GNA14: variants seen among roughly 807,000 people sequenced by gnomAD.
The protein encoded by GNA14 is guanine nucleotide-binding protein subunit alpha-14.
Under a neutral mutation model 42.0 loss-of-function variants are expected in GNA14, and 50 were observed. The ratio of observed to expected loss-of-function variants is 1.19; its 90% CI spans 0.95 to 1.51. GNA14 has a LOEUF of 1.51. Ranked by LOEUF, GNA14 falls within the 40% of genes most tolerant of loss-of-function variation. The pLI is 0.00. For synonymous variants in GNA14, 173 were observed against 163.1 expected (o/e 1.06, Z -0.46); for missense variants, 473 against 446.2 (o/e 1.06, Z -0.54).
intron 1 of GNA14, among the ~76,000 whole-genome samples, chr9:77,626,939 C>T (rs571927127): frequency 3.3e-4 from 50 of 152,034 alleles, no homozygotes; most frequent in Admixed American, 8.5e-4. Context: ...AATCAATGAA[C>T]GCAGGAGCTG....
At chr9:77,528,373 G>A (rs747536399) in intron 2 of GNA14, among the ~76,000 whole-genome samples, 1 of 151,918 alleles carries the variant, frequency 6.6e-6, no homozygotes, top group Non-Finnish European at 1.5e-5. Context: ...AATGAACTCA[G>A]ACATAGTATT....
intron 1 of GNA14, among the ~76,000 whole-genome samples, chr9:77,556,158 C>T (rs912473782): frequency 1.3e-4 from 20 of 152,256 alleles, no homozygotes; most frequent in Non-Finnish European, 2.1e-4. Context: ...ATGGGAGAAT[C>T]GCTTGAACTC....
chr9:77,434,525 A>G lies in GNA14; in HGVS notation c.310-3T>C, dbSNP rs756017078. 1 of 1,611,126 alleles carries G rather than the reference A, an allele frequency of 6.2e-7. No homozygotes were observed. ...TCTCTGATTATCTGGGCATTTTCCTACTCAAAGGAAAGAGAACCTTGCATC... is the reference window on the plus strand; with the variant it reads ...TCTCTGATTATCTGGGCATTTTCCTGCTCAAAGGAAAGAGAACCTTGCATC... On this transcript the variant is annotated splice_polypyrimidine_tract_variant and splice_region_variant and intron_variant, in intron 2 of 6. Coordinates refer to ENST00000341700, the MANE Select transcript of GNA14 (RefSeq NM_004297.4).
intron 2 of GNA14, among the ~76,000 whole-genome samples, chr9:77,447,323 C>T (rs896767077): frequency 2.0e-5 from 3 of 152,196 alleles, no homozygotes; most frequent in African/African-American, 7.2e-5. Context: ...ACTCTCTCTT[C>T]AAGGTCCCGT....
chr9:77,610,461 C>G (rs1160129036), intron 1 of GNA14, among the ~76,000 whole-genome samples: 4 of 152,172 alleles, frequency 2.6e-5, no homozygotes, highest in Non-Finnish European at 5.9e-5. Context: ...GGCAAAATCT[C>G]TGTTGTCTCT....
intron 2 of GNA14, among the ~76,000 whole-genome samples, chr9:77,470,185 C>T (rs1387461335): frequency 1.3e-5 from 2 of 152,070 alleles, no homozygotes; most frequent in Non-Finnish European, 2.9e-5. Flanking sequence ...TTCACTGAAC[C>T]TCTGGGTGGG....
intron 1 of GNA14, among the ~76,000 whole-genome samples, chr9:77,551,746 C>CT (rs1348623545): frequency 2.0e-5 from 3 of 151,886 alleles, no homozygotes; most frequent in Non-Finnish European, 2.9e-5. Flanking sequence ...ATGTTCTTTG[C>CT]TTTTTTTAAA....
chr9:77,457,773 T>G (rs888643309), intron 2 of GNA14, among the ~76,000 whole-genome samples: 1 of 152,216 alleles, frequency 6.6e-6, no homozygotes, highest in African/African-American at 2.4e-5. Context: ...ATAATTCAAG[T>G]CTAGTTTTGT....
chr9:77,623,597 G>C lies in GNA14; in HGVS notation c.124+24073C>G, dbSNP rs116615090. On this transcript the variant is annotated intron_variant, in intron 1 of 6. Transcript: ENST00000341700. ...TGGCTCATCTCATTGGGATTGGTTA[G>C]AGTGGGTGCAACGCACGGAGAGTGA... 4.1e-3 allele frequency among the ~76,000 whole-genome samples: 627 copies of C among 152,282 alleles called. 1 individual carries two copies. Among genetic ancestry groups the C allele is most frequent in the African/African-American group, 0.014 (571 of 41,564 alleles).
chr9:77,631,620 G>C (rs758595549), intron 1 of GNA14, among the ~76,000 whole-genome samples: 24 of 152,118 alleles, frequency 1.6e-4, no homozygotes, highest in Non-Finnish European at 2.8e-4. Context: ...TCAGTATCTA[G>C]TGAAGTTTTC....
chr9:77,429,077 A>C (rs2296780), intron 4 of GNA14, 41 bp from the exon 5 acceptor site: 2 of 1,604,980 alleles, frequency 1.2e-6, no homozygotes, highest in Non-Finnish European at 8.5e-7. Flanking sequence ...GTTGGAATAC[A>C]TGACACTTCG....
At chr9:77,501,224 G>A (rs1456334927) in intron 2 of GNA14, among the ~76,000 whole-genome samples, 2 of 152,112 alleles carry the variant, frequency 1.3e-5, no homozygotes, top group Non-Finnish European at 2.9e-5. Context: ...CAAAGTGCTG[G>A]GATTACAGGT....
At chr9:77,512,711 T>C (rs1406484660) in intron 2 of GNA14, among the ~76,000 whole-genome samples, 1 of 152,208 alleles carries the variant, frequency 6.6e-6, no homozygotes, top group East Asian at 1.9e-4. Flanking sequence ...ATTGATAATC[T>C]TTTTATATCA....
intron 2 of GNA14, among the ~76,000 whole-genome samples, chr9:77,490,191 C>G (rs1237058903): frequency 1.3e-5 from 2 of 152,136 alleles, no homozygotes; most frequent in African/African-American, 4.8e-5. Context: ...CAGCTAGATA[C>G]AGAGTGTCAA....
chr9:77,548,996 A>G (rs1564051210), intron 1 of GNA14, among the ~76,000 whole-genome samples: 3 of 151,882 alleles, frequency 2.0e-5, no homozygotes, highest in Non-Finnish European at 4.4e-5. Flanking sequence ...CTGGAGTGCA[A>G]TGGCACAATC....
chr9:77,524,907 G>T (rs1196210999), intron 2 of GNA14, among the ~76,000 whole-genome samples: 1 of 152,126 alleles, frequency 6.6e-6, no homozygotes, highest in East Asian at 1.9e-4. Context: ...AGTGGCTTAT[G>T]AAGTAGACAG....
Position 77,424,034 on chromosome 9 carries a change from G to A in GNA14, c.1013C>T (p.Ala338Val). Residue 338 changes from alanine (A) to valine (V), a missense_variant, in exon 7 of 7, where the codon GCT (alanine) becomes GTT (valine). Ala to Val is a moderately conservative substitution (Grantham distance 64, BLOSUM62 0). Coordinates refer to ENST00000341700, the MANE Select transcript of GNA14 (RefSeq NM_004297.4). ...TDTDNIRFVF[A>V]AVKDTILQLN... ...CTGTAGAATTGTGTCTTTGACAGCA[G>A]CAAACACAAAGCGAATATTGTCTGT... is the stretch of plus-strand genomic sequence containing the variant. 1.2e-6 allele frequency: 2 copies of A among 1,610,654 alleles called. No individual in the cohort carries two copies. Among genetic ancestry groups the A allele is most frequent in the Non-Finnish European group, 1.7e-6 (2 of 1,178,242 alleles).
chr9:77,556,850 G>A (rs770991157), intron 1 of GNA14, among the ~76,000 whole-genome samples: 9 of 152,206 alleles, frequency 5.9e-5, no homozygotes, highest in Non-Finnish European at 8.8e-5. Context: ...AACTTCAGCC[G>A]TTTGGGGAGG....
intron 2 of GNA14, among the ~76,000 whole-genome samples, chr9:77,480,339 A>T (rs1373573358): frequency 6.6e-6 from 1 of 152,130 alleles, no homozygotes; most frequent in African/African-American, 2.4e-5. Flanking sequence ...TTCTGTTTAT[A>T]TGCTGGATTA....
Sources: gnomAD v4.1 joint callset for allele counts (sites outside exome capture counted in the v4.1 genomes callset) on GRCh38, gnomAD v4.1.1 for gene constraint, MANE v1.5 for transcripts, NCBI Gene and HGNC (gene_info 2026-07-23, HGNC 2026-07-21) for gene names.